Variants in TCF20 observed in about 807,000 individuals in gnomAD.
TCF20 encodes the protein SPRE-binding protein.
In TCF20, 3 loss-of-function variants were observed where a neutral mutation model predicts 148.6. The observed-to-expected ratio is 0.02, with a 90% confidence interval of 0.01 to 0.05. The LOEUF (loss-of-function observed/expected upper bound fraction) is 0.05, where lower values mean the gene tolerates loss of function less well. Among genes scored for constraint, TCF20 ranks in the 10% least tolerant of loss-of-function variants. The pLI, the probability that TCF20 is intolerant of heterozygous loss-of-function variation, is 1.00. For synonymous variants in TCF20, 1,049 were observed against 909.5 expected (o/e 1.15, Z -2.76); for missense variants, 2,350 against 2,429.3 (o/e 0.97, Z 0.69).
chr22:42,212,857 A>G lies in TCF20; in HGVS notation c.2449T>C (p.Trp817Arg). The change falls in exon 2 of 6, where the codon TGG becomes CGG. Residue 817 changes from tryptophan (W) to arginine (R), a missense_variant. Coordinates refer to ENST00000677622, the MANE Select transcript of TCF20 (RefSeq NM_001378418.1). ...CTTGATTTCCTTTCCCAGGGGCCCC[A>G]GTGGGGATTTTCTAATAGAGACCCA... The part of the protein sequence containing the change: ...SIGSLLENPH[W>R]GPWERKSSST... 4 of 1,614,186 alleles carry G rather than the reference A, an allele frequency of 2.5e-6. No individual in the cohort carries two copies. The highest frequency in any genetic ancestry group is 2.2e-5 in the South Asian group (2 of 91,084).
upstream of TCF20, among the ~76,000 whole-genome samples, chr22:42,288,414 T>C (rs1249570651): frequency 6.6e-6 from 1 of 151,680 alleles, no homozygotes; most frequent in Admixed American, 6.6e-5. Context: ...CACATGCCTG[T>C]AGTCCCAGCT....
chr22:42,185,742 GGT>G (rs1405834065), intron 2 of TCF20, among the ~76,000 whole-genome samples: 2 of 152,162 alleles, frequency 1.3e-5, no homozygotes, highest in African/African-American at 4.8e-5. Context: ...CATAGCCCTA[GGT>G]GTTTTGGTCC....
At chr22:42,272,518 C>T (rs193192394), upstream of TCF20, among the ~76,000 whole-genome samples, 28 of 152,270 alleles carry the variant, frequency 1.8e-4, no homozygotes, top group Admixed American at 2.6e-4. Context: ...GACAATCTGT[C>T]GCAGAGCCTC....
At chr22:42,178,549 C>T (rs5758629) in intron 3 of TCF20, among the ~76,000 whole-genome samples, 29,056 of 148,678 alleles carry the variant, frequency 0.2, 3,164 homozygotes, top group East Asian at 0.46. Context: ...TGGAAGAAAA[C>T]ATTTGCAAAC....
At chr22:42,276,254 G>T (rs772553331) in intron 1 of TCF20, 1 of 152,144 alleles carries the variant, frequency 6.6e-6, no homozygotes, top group African/African-American at 2.4e-5. Flanking sequence ...CCATGATAAC[G>T]GCCACTACTT....
At chr22:42,265,232 T>C (rs1926221047) in intron 1 of TCF20, among the ~76,000 whole-genome samples, 1 of 152,218 alleles carries the variant, frequency 6.6e-6, no homozygotes, top group South Asian at 2.1e-4. Context: ...GCCTAACCAA[T>C]AATCAAAAAC....
In TCF20 at chr22:42,209,943, C is replaced by T. The variant is rs140164790; in HGVS notation, c.5363G>A (p.Arg1788Gln). The T allele has an allele frequency of 7.4e-6, 12 of 1,614,096 alleles. No individual in the cohort carries two copies. Among genetic ancestry groups the T allele is most frequent in the Non-Finnish European group, 1.0e-5 (12 of 1,180,032 alleles). ...ACCACAGTCTTCCGAGCGGTGGCGC[C>T]GCTTAAACCTGGGGTGTGCGGCCAG... ...RSLAAHPRFK[R>Q]RHRSEDCGGG... The change falls in exon 2 of 6, where the codon CGG becomes CAG. Residue 1788 changes from arginine (R) to glutamine (Q), a missense_variant. By Grantham distance (43) the Arg-to-Gln change is conservative. Transcript: ENST00000677622.
chr22:42,252,647 C>T (rs1381370652), intron 1 of TCF20, among the ~76,000 whole-genome samples: 4 of 152,106 alleles, frequency 2.6e-5, no homozygotes, highest in Admixed American at 2.0e-4. Context: ...GACGGGGCTT[C>T]ACCTTGTTGG....
chr22:42,269,866 G>A (rs1926501953), intron 1 of TCF20: 1 of 152,144 alleles, frequency 6.6e-6, no homozygotes, highest in Admixed American at 6.5e-5. Context: ...CCCACATCCC[G>A]GCCCAGCCCC....
rs1480080585 is a variant in TCF20 at position 42,223,637 on chromosome 22, C to T, written c.-36-8296G>A. ...AATGAGATAAGATATATAATATGCC[C>T]ACTGCAAAACCCAGTCTGTATTTCC... On this transcript the variant is annotated intron_variant, in intron 1 of 5. Coordinates refer to ENST00000677622, the MANE Select transcript of TCF20 (RefSeq NM_001378418.1). Among the ~76,000 whole-genome samples the T allele has an allele frequency of 2.6e-5, 4 of 152,116 alleles. No homozygotes were observed. The East Asian group carries it at 7.7e-4, about 29-fold the overall frequency.
At chr22:42,311,592 C>A (rs1182437038) in intron 1 of TCF20, among the ~76,000 whole-genome samples, 1 of 152,158 alleles carries the variant, frequency 6.6e-6, no homozygotes, top group Non-Finnish European at 1.5e-5. Context: ...GAGCAAGGTG[C>A]AGTTGAAGGG....
chr22:42,184,260 G>A (rs1288132828), intron 2 of TCF20, among the ~76,000 whole-genome samples: 3 of 152,122 alleles, frequency 2.0e-5, no homozygotes, highest in Admixed American at 2.0e-4. Flanking sequence ...GCTAGTAAGA[G>A]AACTTAGAAC....
chr22:42,231,928 CA>C (rs55642530), intron 1 of TCF20, among the ~76,000 whole-genome samples: 34,484 of 122,874 alleles, frequency 0.28, 3,921 homozygotes, highest in African/African-American at 0.35. Flanking sequence ...GACTCCGTCT[CA>C]AAAAAAAAAA....
chr22:42,268,494 A>T (rs1926414300), intron 1 of TCF20, among the ~76,000 whole-genome samples: 1 of 152,218 alleles, frequency 6.6e-6, no homozygotes, highest in Admixed American at 6.5e-5. Context: ...ATGTTATGGC[A>T]TTCTACTTCA....
intron 1 of TCF20, among the ~76,000 whole-genome samples, chr22:42,242,073 G>A (rs1327149710): frequency 1.3e-5 from 2 of 151,442 alleles, no homozygotes; most frequent in Non-Finnish European, 2.9e-5. Context: ...GTGGTAATAA[G>A]TGCCTGTAAG....
At chr22:42,244,390 C>T (rs1924729708) in intron 1 of TCF20, among the ~76,000 whole-genome samples, 1 of 152,154 alleles carries the variant, frequency 6.6e-6, no homozygotes, top group South Asian at 2.1e-4. Flanking sequence ...ACCGAAATGT[C>T]CATCAACAGA....
chr22:42,282,759 G>A (rs138374132), intron 1 of TCF20, among the ~76,000 whole-genome samples: 2,792 of 152,304 alleles, frequency 0.018, 95 homozygotes, highest in African/African-American at 0.064. Context: ...CTCCTCCGGG[G>A]TGAGCTGAGG....
chr22:42,231,794 T>TG (rs1437593917), intron 1 of TCF20, among the ~76,000 whole-genome samples: 1 of 151,916 alleles, frequency 6.6e-6, no homozygotes, highest in African/African-American at 2.4e-5. Flanking sequence ...CCAGGTGTGG[T>TG]GGCGGGCACC....
chr22:42,231,740 T>C (rs1923422195), intron 1 of TCF20, among the ~76,000 whole-genome samples: 1 of 151,892 alleles, frequency 6.6e-6, no homozygotes, highest in Non-Finnish European at 1.5e-5. Flanking sequence ...CCATCCTGGC[T>C]AATACGGTGA....
Sources: allele counts gnomAD v4.1 joint callset (sites outside exome capture counted in the v4.1 genomes callset), GRCh38; gene constraint gnomAD v4.1.1; transcripts MANE v1.5; gene names NCBI Gene and HGNC (gene_info 2026-07-23, HGNC 2026-07-21).